NEURL1B: variants seen among roughly 807,000 people sequenced by gnomAD.
NEURL1B encodes E3 ubiquitin-protein ligase NEURL1B.
NEURL1B carries 13 observed loss-of-function variants against 37.4 expected under a neutral mutation model. The ratio of observed to expected loss-of-function variants is 0.35; its 90% CI spans 0.23 to 0.55. The LOEUF (loss-of-function observed/expected upper bound fraction) is 0.55, where lower values mean the gene tolerates loss of function less well. Ranked by LOEUF, NEURL1B falls within the 20% of genes least tolerant of loss-of-function variation. The pLI is 0.89. For synonymous variants in NEURL1B, 432 were observed against 426.6 expected (o/e 1.01, Z -0.16); for missense variants, 790 against 879.2 (o/e 0.90, Z 1.28).
chr5:172,644,312 A>G (rs1451514910), intron 1 of NEURL1B, among the ~76,000 whole-genome samples: 1 of 152,182 alleles, frequency 6.6e-6, no homozygotes, highest in Non-Finnish European at 1.5e-5. Flanking sequence ...GTCCCAGCTC[A>G]CACAGTTCAC....
chr5:172,666,181 A>AACC (rs112793091), intron 1 of NEURL1B, among the ~76,000 whole-genome samples: 3 of 148,126 alleles, frequency 2.0e-5, no homozygotes, highest in African/African-American at 5.0e-5. Context: ...AACAAACAAC[A>AACC]ACCACCACCA....
intron 1 of NEURL1B, among the ~76,000 whole-genome samples, chr5:172,658,198 ATC>A (rs1290085354): frequency 6.6e-6 from 1 of 151,828 alleles, no homozygotes; most frequent in Non-Finnish European, 1.5e-5. Flanking sequence ...TTTTCTCTTT[ATC>A]TCTTTGTCTT....
At chr5:172,660,923 G>A (rs1757889053) in intron 1 of NEURL1B, among the ~76,000 whole-genome samples, 1 of 152,154 alleles carries the variant, frequency 6.6e-6, no homozygotes, top group Non-Finnish European at 1.5e-5. Flanking sequence ...GAGCCACCGT[G>A]CCCAGCCTGG....
rs143900377 is a variant in NEURL1B at position 172,661,646 on chromosome 5, C to T, written c.32-8139C>T. On this transcript the variant is annotated intron_variant, in intron 1 of 4. Coordinates refer to ENST00000369800, the MANE Select transcript of NEURL1B (RefSeq NM_001142651.3). This position sits in a 1 kb window ranked among gnomAD's most constrained non-coding sequence, Gnocchi z 4.0. ...TGTTCAAAGGAAGAGGCAGAATAGA[C>T]GATTCTCCCATTTGGCAATTCCCTT... Among the ~76,000 whole-genome samples, 85 of 152,368 alleles carry T rather than the reference C, an allele frequency of 5.6e-4. 2 individuals carry two copies. The East Asian group carries it at 0.015, about 27-fold the overall frequency.
chr5:172,670,405 G>GTGACATTCT, intron 2 of NEURL1B, 75 bp downstream of exon 2: 2 of 1,193,742 alleles, frequency 1.7e-6, no homozygotes, highest in Non-Finnish European at 2.2e-6. Flanking sequence ...TTCATTAGTA[G>GTGACATTCT]CCACAGTCAC....
At chr5:172,673,672 C>A (rs1345677395) in intron 2 of NEURL1B, among the ~76,000 whole-genome samples, 1 of 152,102 alleles carries the variant, frequency 6.6e-6, no homozygotes, top group Non-Finnish European at 1.5e-5. Context: ...GAACACAGCT[C>A]ACTGCAGCCT....
In NEURL1B at chr5:172,649,561, C is replaced by T. The variant is rs551844041; in HGVS notation, c.31+8124C>T. ...ATTTTTAGTAGAGATGGGTTTTCACCATGTTGGTCAGGCTGGCCTTGAACT... is the reference window on the plus strand; with the variant it reads ...ATTTTTAGTAGAGATGGGTTTTCACTATGTTGGTCAGGCTGGCCTTGAACT... On this transcript the variant is annotated intron_variant, in intron 1 of 4. Transcript: ENST00000369800. Among the ~76,000 whole-genome samples, 6 of 152,040 alleles carry T rather than the reference C, an allele frequency of 3.9e-5. No individual in the cohort carries two copies. In the South Asian group the frequency reaches 1.2e-3, roughly 32 times the overall value.
In NEURL1B at chr5:172,690,495, A is replaced by T. The variant is rs775109756; in HGVS notation, c.*3570A>T. 1 of 152,262 alleles carries T rather than the reference A, an allele frequency of 6.6e-6. No individual in the cohort carries two copies. The highest frequency in any genetic ancestry group is 1.5e-5 in the Non-Finnish European group (1 of 68,056). 9.4% of individuals were successfully genotyped at this position (152,262 alleles called of 1,614,324 possible). ...TAAAACAGCACCACATAACGCACAC[A>T]AAGATACTCCAGAAACATTTGCTGA... On this transcript the variant is annotated 3_prime_UTR_variant, in exon 5 of 5. Transcript: ENST00000369800.
At chr5:172,671,800 C>T (rs1758135364) in intron 2 of NEURL1B, among the ~76,000 whole-genome samples, 1 of 152,228 alleles carries the variant, frequency 6.6e-6, no homozygotes, top group African/African-American at 2.4e-5. Flanking sequence ...TTCATTACCC[C>T]ACCATTGGGC....
At chr5:172,666,208 A>G (rs1339603115) in intron 1 of NEURL1B, among the ~76,000 whole-genome samples, 1 of 152,050 alleles carries the variant, frequency 6.6e-6, no homozygotes, top group Non-Finnish European at 1.5e-5. Context: ...CCAAAAAAAA[A>G]CAGAGCTGGG....
At chr5:172,666,433 G>C (rs80069325) in intron 1 of NEURL1B, among the ~76,000 whole-genome samples, 1,949 of 152,282 alleles carry the variant, frequency 0.013, 37 homozygotes, top group African/African-American at 0.043. Context: ...CTGAATGTGC[G>C]GTGATTCTAT....
In NEURL1B at chr5:172,683,525, G is replaced by T. The variant is rs751968068; in HGVS notation, c.684G>T (p.Glu228Asp). 20 of 1,499,834 alleles carry T rather than the reference G, an allele frequency of 1.3e-5. 1 individual carries two copies. The Admixed American group carries it at 4.2e-4, about 32-fold the overall frequency. The allele number at this position is 1,499,834 out of a possible 1,614,324, so 92.9% of individuals were successfully genotyped here. Reference protein sequence around the residue: ...SHDAANFDNNELENNQVVAKL... With the variant: ...SHDAANFDNNDLENNQVVAKL... Reference sequence around the variant, plus strand: ...ACGCGGCCAACTTCGACAACAACGAGCTCGAGAACAACCAGGTGGTGGCCA... The same window carrying T: ...ACGCGGCCAACTTCGACAACAACGATCTCGAGAACAACCAGGTGGTGGCCA... The change falls in exon 3 of 5, where the codon GAG becomes GAT. Residue 228 changes from glutamate to aspartate, a missense_variant. Around this residue, in one of 3 missense-constraint regions of NEURL1B, gnomAD observed 460 missense variants for 407.4 expected, o/e 1.13. Coordinates refer to ENST00000369800, the MANE Select transcript of NEURL1B (RefSeq NM_001142651.3). The surrounding 1 kb of genome is among the most constrained non-coding windows in gnomAD (Gnocchi z 5.6).
chr5:172,686,794 A>T lies in NEURL1B; in HGVS notation c.1537A>T (p.Thr513Ser), dbSNP rs1324696430. ...GGTGTGCTTCGATGGCGAGGTGGACACGGTCATCTACACGTGTGGACACAT... is the reference window on the plus strand; with the variant it reads ...GGTGTGCTTCGATGGCGAGGTGGACTCGGTCATCTACACGTGTGGACACAT... ...CTVCFDGEVD[T>S]VIYTCGHMCL... The change falls in exon 5 of 5, where the codon ACG becomes TCG. Residue 513 changes from threonine (T) to serine (S), a missense_variant. Thr to Ser is a moderately conservative substitution (Grantham distance 58). Around this residue, in one of 3 missense-constraint regions of NEURL1B, gnomAD observed 115 missense variants for 162.6 expected, o/e 0.71. Coordinates refer to ENST00000369800, the MANE Select transcript of NEURL1B (RefSeq NM_001142651.3). The surrounding 1 kb of genome is among the most constrained non-coding windows in gnomAD (Gnocchi z 7.9). The T allele has an allele frequency of 6.4e-7, 1 of 1,551,896 alleles. No homozygotes were observed. The highest frequency in any genetic ancestry group is 1.4e-5 in the African/African-American group (1 of 73,034).
Position 172,663,773 on chromosome 5 carries a change from G to T in NEURL1B, c.32-6012G>T, listed in dbSNP as rs1017349931. Among the ~76,000 whole-genome samples, 4 of 150,446 alleles carry T rather than the reference G, an allele frequency of 2.7e-5. No individual in the cohort carries two copies. In the Admixed American group the frequency reaches 2.7e-4, roughly 10 times the overall value. ...TCTTTCATGGGAGGATGGCCCAGGG[G>T]ATTTAGTCGCTGGCGTGGTTTGGGG... On this transcript the variant is annotated intron_variant, in intron 1 of 4. Coordinates refer to ENST00000369800, the MANE Select transcript of NEURL1B (RefSeq NM_001142651.3).
chr5:172,671,214 G>A (rs955654255), intron 2 of NEURL1B, among the ~76,000 whole-genome samples: 15 of 152,012 alleles, frequency 9.9e-5, no homozygotes, highest in Admixed American at 6.6e-4. Flanking sequence ...CTCCAGCCCC[G>A]GCAACCACTC....
In NEURL1B at chr5:172,650,642, A is replaced by G. The variant is rs558389389; in HGVS notation, c.31+9205A>G. Reference sequence around the variant, plus strand: ...CACAAAGTTTTGGTGCCGCAAAAGGAATAGCACTCAAATATACATTTTCTT... The same window carrying G: ...CACAAAGTTTTGGTGCCGCAAAAGGGATAGCACTCAAATATACATTTTCTT... On this transcript the variant is annotated intron_variant, in intron 1 of 4. Coordinates refer to ENST00000369800, the MANE Select transcript of NEURL1B (RefSeq NM_001142651.3). Among the ~76,000 whole-genome samples the G allele has an allele frequency of 2.0e-5, 3 of 152,356 alleles. No individual in the cohort carries two copies. The South Asian group carries it at 6.2e-4, about 32-fold the overall frequency.
At chr5:172,667,732 T>C (rs1247912322) in intron 1 of NEURL1B, among the ~76,000 whole-genome samples, 1 of 152,086 alleles carries the variant, frequency 6.6e-6, no homozygotes, top group Non-Finnish European at 1.5e-5. Flanking sequence ...AGCAGTCCAC[T>C]GTGCACACAG....
At chr5:172,644,297 G>A (rs1757522214) in intron 1 of NEURL1B, among the ~76,000 whole-genome samples, 2 of 152,132 alleles carry the variant, frequency 1.3e-5, no homozygotes, top group South Asian at 4.1e-4. Flanking sequence ...GAGGTAAAGT[G>A]GCTTGTCCCA....
chr5:172,656,185 G>GAGCAGGT (rs1757773101), intron 1 of NEURL1B, among the ~76,000 whole-genome samples: 1 of 152,138 alleles, frequency 6.6e-6, no homozygotes, highest in Non-Finnish European at 1.5e-5. Context: ...AGTCAGGGCA[G>GAGCAGGT]AGCAGGTAGC....
Sources: gnomAD v4.1 joint callset for allele counts (sites outside exome capture counted in the v4.1 genomes callset) on GRCh38, gnomAD v4.1.1 for gene constraint, gnomAD v4.1.1 regional missense constraint, Gnocchi (gnomAD v3.1) non-coding constraint, MANE v1.5 for transcripts, NCBI Gene and HGNC (gene_info 2026-07-23, HGNC 2026-07-21) for gene names.